DMD: variants seen among roughly 807,000 people sequenced by gnomAD.
DMD encodes dystrophin.
DMD carries 63 observed loss-of-function variants against 330.1 expected under a neutral mutation model. The ratio of observed to expected loss-of-function variants is 0.19; its 90% CI spans 0.16 to 0.24. The LOEUF (loss-of-function observed/expected upper bound fraction) is 0.24, where lower values mean the gene tolerates loss of function less well. Among genes scored for constraint, DMD ranks in the 10% least tolerant of loss-of-function variants. DMD has a pLI of 1.00. For missense variants in DMD, 3,344 were observed against 2,684.1 expected, an observed-to-expected ratio of 1.25 and a Z score of -5.43; for synonymous variants, 1,223 against 959.8, an observed-to-expected ratio of 1.27 and a Z score of -5.07.
In DMD at chrX:32,509,494, C is replaced by A. The variant is rs762415585; in HGVS notation, c.2293-7652G>T. On this transcript the variant is annotated intron_variant, in intron 18 of 78. Transcript: ENST00000357033. ...ATCAACAAAGAGGAACATAGGCCTTCCACAGGTCTATCTTGCAAAGTAAAA... is the reference window on the plus strand; with the variant it reads ...ATCAACAAAGAGGAACATAGGCCTTACACAGGTCTATCTTGCAAAGTAAAA... 2.7e-5 allele frequency among the ~76,000 whole-genome samples: 3 copies of A among 111,717 alleles called. No individual in the cohort carries two copies. In the South Asian group the frequency reaches 1.1e-3, roughly 42 times the overall value.
At chrX:31,260,059 T>C (rs2050359051) in intron 63 of DMD, among the ~76,000 whole-genome samples, 1 of 111,613 alleles carries the variant, frequency 9.0e-6, no homozygotes, top group Admixed American at 9.6e-5. Flanking sequence ...GAGACCCATC[T>C]CTACAAAAAT....
chrX:31,280,369 T>G (rs1473965317), intron 62 of DMD, among the ~76,000 whole-genome samples: 1 of 111,849 alleles, frequency 8.9e-6, no homozygotes, highest in East Asian at 2.8e-4. Flanking sequence ...ATGATTCTAT[T>G]TATAGAAAAT....
chrX:31,274,432 G>C (rs895760947), intron 62 of DMD, among the ~76,000 whole-genome samples: 7 of 112,075 alleles, frequency 6.2e-5, no homozygotes, highest in Non-Finnish European at 1.3e-4. Context: ...GACAGTGAGG[G>C]AGAAATATCC....
chrX:31,756,426 C>T (rs2089086611), intron 51 of DMD, among the ~76,000 whole-genome samples: 1 of 109,777 alleles, frequency 9.1e-6, no homozygotes, highest in Non-Finnish European at 1.9e-5. Flanking sequence ...TATTATGTTT[C>T]CACGTATTTA....
chrX:33,150,134 GAA>G (rs2148622666), intron 1 of DMD, among the ~76,000 whole-genome samples: 1 of 110,772 alleles, frequency 9.0e-6, no homozygotes, highest in East Asian at 2.8e-4. Flanking sequence ...AGGGATATTA[GAA>G]AAGTATTGAA....
intron 7 of DMD, among the ~76,000 whole-genome samples, chrX:32,744,605 GTTAT>G (rs768883390): frequency 1.1e-3 from 122 of 110,823 alleles, no homozygotes; most frequent in Non-Finnish European, 2.0e-3. Flanking sequence ...TCCAAACCTC[GTTAT>G]TTAAACTGGA....
intron 45 of DMD, among the ~76,000 whole-genome samples, chrX:31,949,655 T>C (rs928494205): frequency 9.0e-6 from 1 of 111,249 alleles, no homozygotes; most frequent in African/African-American, 3.3e-5. Context: ...CCTGGGTTTT[T>C]TTGTTGGAAA....
At position 33,147,113 on chromosome X, in the gene DMD, C is replaced by T. The variant is rs960308824; in HGVS notation, c.31+64169G>A. Among the ~76,000 whole-genome samples, 6 of 111,592 alleles carry T rather than the reference C, an allele frequency of 5.4e-5. No homozygotes were observed. In the Admixed American group the frequency reaches 5.7e-4, roughly 11 times the overall value. On this transcript the variant is annotated intron_variant, in intron 1 of 78. Coordinates refer to ENST00000357033, the MANE Select transcript of DMD (RefSeq NM_004006.3). ...CTGGGATTACAGGCGTGAACCACCGCCGCTGGCCAATAAATCTTAAAATAT... is the reference window on the plus strand; with the variant it reads ...CTGGGATTACAGGCGTGAACCACCGTCGCTGGCCAATAAATCTTAAAATAT...
chrX:31,660,820 C>T (rs2081080199), intron 53 of DMD, among the ~76,000 whole-genome samples: 1 of 111,417 alleles, frequency 9.0e-6, no homozygotes, highest in East Asian at 2.8e-4. Flanking sequence ...AGAGGTTATA[C>T]CATTTGGATG....
chrX:32,794,608 C>CA (rs1171390548), intron 7 of DMD, among the ~76,000 whole-genome samples: 3 of 110,161 alleles, frequency 2.7e-5, no homozygotes, highest in East Asian at 2.9e-4. Flanking sequence ...AAACCAAAAA[C>CA]AAAAAAAAGA....
At chrX:32,625,703 T>A (rs1210162239) in intron 11 of DMD, among the ~76,000 whole-genome samples, 1 of 112,407 alleles carries the variant, frequency 8.9e-6, no homozygotes, top group East Asian at 2.8e-4. Context: ...ATAAAATGTA[T>A]AAACATATAT....
chrX:32,389,685 A>T lies in DMD; in HGVS notation c.4345-11T>A. Reference sequence around the variant, plus strand: ...ATCTTGTAATTTTTTCTGTAAGGACAGTGTAAAAAGGCACTGATTTAATTT... The same window carrying T: ...ATCTTGTAATTTTTTCTGTAAGGACTGTGTAAAAAGGCACTGATTTAATTT... On this transcript the variant is annotated splice_polypyrimidine_tract_variant and intron_variant, in intron 31 of 78. Coordinates refer to ENST00000357033, the MANE Select transcript of DMD (RefSeq NM_004006.3). The T allele has an allele frequency of 8.3e-7, 1 of 1,205,785 alleles. No homozygotes were observed. The highest frequency in any genetic ancestry group is 1.1e-6 in the Non-Finnish European group (1 of 891,269).
chrX:32,672,822 G>A (rs1340466938), intron 9 of DMD, among the ~76,000 whole-genome samples: 1 of 110,720 alleles, frequency 9.0e-6, no homozygotes, highest in African/African-American at 3.3e-5. Flanking sequence ...CATAGATAAC[G>A]GAAGAGTGAA....
chrX:33,100,717 A>C (rs1466922212), intron 1 of DMD, among the ~76,000 whole-genome samples: 1 of 111,853 alleles, frequency 8.9e-6, no homozygotes, highest in Non-Finnish European at 1.9e-5. Context: ...AAAAATGAAA[A>C]CCATGAGTAA....
intron 1 of DMD, among the ~76,000 whole-genome samples, chrX:33,033,270 A>T (rs1295523355): frequency 9.1e-6 from 1 of 110,281 alleles, no homozygotes; most frequent in African/African-American, 3.3e-5. Flanking sequence ...CCACTGGATT[A>T]AAAAAGGTAT....
At chrX:32,603,723 C>T (rs1306379001) in intron 12 of DMD, among the ~76,000 whole-genome samples, 1 of 110,864 alleles carries the variant, frequency 9.0e-6, no homozygotes, top group Middle Eastern at 4.2e-3. Context: ...CTACTATGGG[C>T]ATCTCTAGGT....
At chrX:32,473,389 C>A (rs988868697) in intron 21 of DMD, among the ~76,000 whole-genome samples, 3 of 111,166 alleles carry the variant, frequency 2.7e-5, no homozygotes, top group Non-Finnish European at 5.7e-5. Context: ...CAGAATGTGG[C>A]AGAAGCCATA....
chrX:31,629,607 G>A (rs955348941), intron 54 of DMD, among the ~76,000 whole-genome samples: 4 of 111,694 alleles, frequency 3.6e-5, no homozygotes, highest in Admixed American at 9.6e-5. Context: ...GTGGACTGCC[G>A]GCTCCCTGCT....
chrX:32,307,264 G>T (rs960593696), intron 42 of DMD, among the ~76,000 whole-genome samples: 3 of 111,425 alleles, frequency 2.7e-5, no homozygotes, highest in Non-Finnish European at 5.7e-5. Context: ...GTGCGATGGG[G>T]TCTTAATCCT....
Sources: allele counts gnomAD v4.1 joint callset (sites outside exome capture counted in the v4.1 genomes callset), GRCh38; gene constraint gnomAD v4.1.1; transcripts MANE v1.5; gene names NCBI Gene and HGNC (gene_info 2026-07-23, HGNC 2026-07-21).